The following SDK1 variants were observed in gnomAD, a reference collection of about 807,000 sequenced individuals.
SDK1 encodes the protein protein sidekick-1.
In SDK1, 157 loss-of-function variants were observed where a neutral mutation model predicts 245.5. That is an observed-to-expected ratio of 0.64 (90% CI 0.56 to 0.73). The LOEUF is 0.73. Among genes scored for constraint, SDK1 ranks in the 30% least tolerant of loss-of-function variants. The pLI is 0.00. For missense variants in SDK1, 3,583 were observed against 3,002.3 expected, an observed-to-expected ratio of 1.19 and a Z score of -4.52; for synonymous variants, 1,647 against 1,278.5, an observed-to-expected ratio of 1.29 and a Z score of -6.15.
intron 28 of SDK1, among the ~76,000 whole-genome samples, chr7:4,136,915 C>T (rs532872807): frequency 6.6e-6 from 1 of 152,370 alleles, no homozygotes; most frequent in East Asian, 1.9e-4. Flanking sequence ...CCACAGGCCA[C>T]GGCATCTAGG....
rs971483565 is a variant in SDK1 at position 3,403,828 on chromosome 7, T to C, written c.298+101944T>C. On this transcript the variant is annotated intron_variant, in intron 1 of 44. Transcript: ENST00000404826. ...ACAGGGATTTGAAATATCTTACATA[T>C]ATATATATATATATATATATATATA... Among the ~76,000 whole-genome samples the C allele has an allele frequency of 8.5e-3, 199 of 23,388 alleles. 3 individuals carry two copies. The highest frequency in any genetic ancestry group is 0.018 in the Middle Eastern group (1 of 56). 15.3% of individuals were successfully genotyped at this position (23,388 alleles called of 152,430 possible). A position where few individuals can be genotyped will look rare whatever the true frequency, so the allele number is the denominator to read the frequency against.
intron 38 of SDK1, among the ~76,000 whole-genome samples, chr7:4,216,357 G>C (rs1304846369): frequency 2.0e-5 from 3 of 152,128 alleles, no homozygotes; most frequent in African/African-American, 7.2e-5. Flanking sequence ...CCCCACGGCC[G>C]CTGCTCCCAC....
At chr7:3,324,185 T>C (rs1779886990) in intron 1 of SDK1, among the ~76,000 whole-genome samples, 1 of 151,978 alleles carries the variant, frequency 6.6e-6, no homozygotes, top group South Asian at 2.1e-4. Flanking sequence ...TCTGGTTCTC[T>C]TTTAGCATTT....
chr7:3,610,807 C>G (rs1018449661), intron 1 of SDK1, among the ~76,000 whole-genome samples: 13 of 152,214 alleles, frequency 8.5e-5, no homozygotes, highest in African/African-American at 3.1e-4. Flanking sequence ...CATAGGCAAA[C>G]TATTCACAGT....
At chr7:4,099,130 G>A (rs970428723) in intron 22 of SDK1, among the ~76,000 whole-genome samples, 2 of 152,054 alleles carry the variant, frequency 1.3e-5, no homozygotes, top group Non-Finnish European at 1.5e-5. Flanking sequence ...AGGGGACACA[G>A]TCTTTCGATG....
At chr7:3,607,473 A>T (rs1781459273) in intron 1 of SDK1, among the ~76,000 whole-genome samples, 1 of 152,162 alleles carries the variant, frequency 6.6e-6, no homozygotes, top group South Asian at 2.1e-4. Context: ...GTGTGATCCT[A>T]TTCTGTGTTC....
rs139483121 is a variant in SDK1, at chr7:4,000,572, A to T, written c.2132-10394A>T. Reference sequence around the variant, plus strand: ...TGTAGGGAACCCGTCAGCCGTCTCCACGCCGCTCTCCATGAAAGCTGCTCC... The same window carrying T: ...TGTAGGGAACCCGTCAGCCGTCTCCTCGCCGCTCTCCATGAAAGCTGCTCC... On this transcript the variant is annotated intron_variant, in intron 14 of 44. Transcript: ENST00000404826. Among the ~76,000 whole-genome samples, 516 of 152,272 alleles carry T rather than the reference A, an allele frequency of 3.4e-3. 4 individuals are homozygous for T. The highest frequency in any genetic ancestry group is 0.012 in the African/African-American group (491 of 41,556).
intron 1 of SDK1, among the ~76,000 whole-genome samples, chr7:3,610,126 A>C (rs1007086577): frequency 8.5e-5 from 13 of 152,228 alleles, no homozygotes; most frequent in Admixed American, 3.3e-4. Flanking sequence ...GGTTGGACTT[A>C]GATGTCCTTT....
intron 1 of SDK1, among the ~76,000 whole-genome samples, chr7:3,442,835 T>C (rs1051361175): frequency 6.6e-6 from 1 of 152,214 alleles, no homozygotes; most frequent in African/African-American, 2.4e-5. Flanking sequence ...TTTGCTTTAC[T>C]TTCTGTGAAT....
intron 1 of SDK1, among the ~76,000 whole-genome samples, chr7:3,534,843 G>A (rs1583135338): frequency 6.6e-6 from 1 of 152,166 alleles, no homozygotes; most frequent in African/African-American, 2.4e-5. Flanking sequence ...TGCCAATCAT[G>A]TTCAAAATGG....
chr7:3,426,547 C>T (rs1583839816), intron 1 of SDK1, among the ~76,000 whole-genome samples: 1 of 152,180 alleles, frequency 6.6e-6, no homozygotes, highest in South Asian at 2.1e-4. Context: ...ATGTAAAACC[C>T]ATAGGACAGT....
intron 12 of SDK1, 38 bp from the exon 13 acceptor site, chr7:3,974,331 T>A: frequency 4.4e-6 from 7 of 1,577,422 alleles, no homozygotes; most frequent in Non-Finnish European, 5.2e-6. Context: ...TCTGTCACTG[T>A]GGGGTTTGTA....
At position 3,749,990 on chromosome 7, in the gene SDK1, C is replaced by G. The variant is rs1200880311; in HGVS notation, c.714-71460C>G. Among the ~76,000 whole-genome samples, 4 of 152,170 alleles carry G rather than the reference C, an allele frequency of 2.6e-5. No individual in the cohort carries two copies. In the East Asian group the frequency reaches 7.7e-4, roughly 29 times the overall value. ...TGGGTGTTTTTCACACTTTGTAATA[C>G]AAAGCTCACATAGGCTTTACAGATG... is the stretch of plus-strand genomic sequence containing the variant. On this transcript the variant is annotated intron_variant, in intron 4 of 44. Coordinates refer to ENST00000404826, the MANE Select transcript of SDK1 (RefSeq NM_152744.4).
chr7:3,542,091 C>A (rs117641121), intron 1 of SDK1, among the ~76,000 whole-genome samples: 1 of 152,164 alleles, frequency 6.6e-6, no homozygotes, highest in Non-Finnish European at 1.5e-5. Flanking sequence ...TAACGTATTT[C>A]ACATTGATTT....
At chr7:3,360,081 G>T (rs572252140) in intron 1 of SDK1, among the ~76,000 whole-genome samples, 57 of 152,328 alleles carry the variant, frequency 3.7e-4, no homozygotes, top group African/African-American at 1.3e-3. Flanking sequence ...GAGAAGAGAA[G>T]TTTTTTTCCT....
intron 1 of SDK1, among the ~76,000 whole-genome samples, chr7:3,316,461 C>T (rs190424991): frequency 2.0e-3 from 300 of 152,240 alleles, no homozygotes; most frequent in Admixed American, 3.3e-3. Context: ...CTGTGATGTT[C>T]GCACAATGAC....
At chr7:4,216,124 C>T (rs886939445) in intron 38 of SDK1, among the ~76,000 whole-genome samples, 1 of 152,198 alleles carries the variant, frequency 6.6e-6, no homozygotes, top group Non-Finnish European at 1.5e-5. Flanking sequence ...GTGTCTTGGC[C>T]TCCTGAGGCT....
intron 5 of SDK1, among the ~76,000 whole-genome samples, chr7:3,942,805 C>G (rs1186261906): frequency 2.0e-5 from 3 of 152,184 alleles, no homozygotes; most frequent in African/African-American, 7.2e-5. Context: ...GGCACTTGTA[C>G]TACGGTTTTT....
chr7:3,662,885 A>G (rs1163015448), intron 4 of SDK1, among the ~76,000 whole-genome samples: 2 of 152,202 alleles, frequency 1.3e-5, no homozygotes, highest in African/African-American at 2.4e-5. Flanking sequence ...CCCAGTATGC[A>G]TTATGCAGAT....
Sources: allele counts gnomAD v4.1 joint callset (sites outside exome capture counted in the v4.1 genomes callset), GRCh38; gene constraint gnomAD v4.1.1; transcripts MANE v1.5; gene names NCBI Gene and HGNC (gene_info 2026-07-23, HGNC 2026-07-21).